The following GALNTL6 variants were observed in gnomAD, a reference collection of about 807,000 sequenced individuals.
The protein encoded by GALNTL6 is polypeptide N-acetylgalactosaminyltransferase-like 6.
GALNTL6 carries 46 observed loss-of-function variants against 73.7 expected under a neutral mutation model. The ratio of observed to expected loss-of-function variants is 0.62; its 90% confidence interval spans 0.49 to 0.80. The LOEUF (loss-of-function observed/expected upper bound fraction) is 0.80. Ranked by LOEUF, GALNTL6 falls within the 30% of genes least tolerant of loss-of-function variation. GALNTL6 has a pLI of 0.00. For missense variants in GALNTL6, 604 were observed against 755.0 expected, an observed-to-expected ratio of 0.80 and a Z score of 2.34; for synonymous variants, 259 against 263.7, an observed-to-expected ratio of 0.98 and a Z score of 0.17.
At chr4:172,951,938 G>A (rs1749461915) in intron 9 of GALNTL6, 99 bp from the exon 10 acceptor site, 2 of 953,574 alleles carry the variant, frequency 2.1e-6, no homozygotes, top group Non-Finnish European at 3.2e-6. Context: ...TGAGGTTGCC[G>A]CTATCTTTTC....
chr4:172,569,981 C>T (rs770414130), intron 5 of GALNTL6, among the ~76,000 whole-genome samples: 1 of 152,106 alleles, frequency 6.6e-6, no homozygotes, highest in Non-Finnish European at 1.5e-5. Flanking sequence ...GAAGGAGGGG[C>T]TGGTGGTATT....
intron 2 of GALNTL6, among the ~76,000 whole-genome samples, chr4:172,190,423 T>C (rs1229473476): frequency 1.3e-5 from 2 of 151,550 alleles, no homozygotes; most frequent in Admixed American, 1.3e-4. Context: ...CAAGGGAGAG[T>C]GTGTATGTTT....
At chr4:172,910,674 A>T (rs1747149775) in intron 8 of GALNTL6, among the ~76,000 whole-genome samples, 1 of 152,216 alleles carries the variant, frequency 6.6e-6, no homozygotes, top group Non-Finnish European at 1.5e-5. Flanking sequence ...AACAAATCCA[A>T]GGTATTGATT....
intron 5 of GALNTL6, among the ~76,000 whole-genome samples, chr4:172,618,489 T>C (rs1330508726): frequency 6.6e-6 from 1 of 152,118 alleles, no homozygotes; most frequent in Non-Finnish European, 1.5e-5. Context: ...CTTTCTTTGG[T>C]AATAAATTTA....
chr4:171,824,630 T>C (rs933605706), intron 2 of GALNTL6, among the ~76,000 whole-genome samples: 7 of 152,184 alleles, frequency 4.6e-5, no homozygotes, highest in Admixed American at 1.3e-4. Flanking sequence ...GTTAGAATTC[T>C]AGAAAGTTAA....
chr4:171,904,304 C>A (rs888287741), intron 2 of GALNTL6, among the ~76,000 whole-genome samples: 1 of 151,974 alleles, frequency 6.6e-6, no homozygotes, highest in Non-Finnish European at 1.5e-5. Flanking sequence ...CTTAAAGGAG[C>A]TGATGGAGCT....
At chr4:172,602,943 A>C (rs1738119816) in intron 5 of GALNTL6, among the ~76,000 whole-genome samples, 2 of 152,216 alleles carry the variant, frequency 1.3e-5, no homozygotes, top group South Asian at 4.1e-4. Context: ...AATACCAAAA[A>C]AAGATTATGC....
intron 2 of GALNTL6, among the ~76,000 whole-genome samples, chr4:171,992,892 C>T (rs1366048657): frequency 6.6e-6 from 1 of 152,058 alleles, no homozygotes. Context: ...CAATCTCATA[C>T]TATGCCTTCA....
intron 5 of GALNTL6, among the ~76,000 whole-genome samples, chr4:172,756,668 A>ACAGTTGG (rs1737772860): frequency 1.3e-5 from 2 of 152,102 alleles, no homozygotes; most frequent in African/African-American, 2.4e-5. Context: ...AGATGTGTCT[A>ACAGTTGG]CAGTTGGCAG....
At chr4:172,413,393 A>T (rs577961555) in intron 5 of GALNTL6, among the ~76,000 whole-genome samples, 1 of 152,352 alleles carries the variant, frequency 6.6e-6, no homozygotes, top group Non-Finnish European at 1.5e-5. Context: ...ATTCTAACGT[A>T]ACATAAAAAT....
chr4:171,968,760 T>A (rs1054351726), intron 2 of GALNTL6, among the ~76,000 whole-genome samples: 2 of 150,730 alleles, frequency 1.3e-5, no homozygotes, highest in African/African-American at 4.9e-5. Context: ...CCTCTCTCAG[T>A]CAGTGAACTC....
intron 2 of GALNTL6, among the ~76,000 whole-genome samples, chr4:172,173,596 G>T (rs1187303574): frequency 1.3e-5 from 2 of 152,340 alleles, no homozygotes; most frequent in East Asian, 3.9e-4. Context: ...TTAATAGGAA[G>T]TGTAACATAC....
chr4:172,724,791 G>T (rs149009744), intron 5 of GALNTL6, among the ~76,000 whole-genome samples: 1 of 152,106 alleles, frequency 6.6e-6, no homozygotes, highest in Admixed American at 6.6e-5. Context: ...TCAGAAACCT[G>T]AGAAAGAGAA....
intron 2 of GALNTL6, among the ~76,000 whole-genome samples, chr4:172,127,955 A>C (rs1187726963): frequency 6.6e-6 from 1 of 151,734 alleles, no homozygotes; most frequent in Non-Finnish European, 1.5e-5. Flanking sequence ...AAATACAAAA[A>C]CTAGCTGGTC....
chr4:172,176,662 G>T (rs1426821999), intron 2 of GALNTL6, among the ~76,000 whole-genome samples: 2 of 152,062 alleles, frequency 1.3e-5, no homozygotes, highest in African/African-American at 2.4e-5. Context: ...GGTGGTGCAT[G>T]CCTGTAGTTC....
chr4:172,456,509 G>A (rs1732403608), intron 5 of GALNTL6, among the ~76,000 whole-genome samples: 1 of 151,530 alleles, frequency 6.6e-6, no homozygotes. Context: ...GAACATAAAT[G>A]ACCTGATGGA....
chr4:172,153,113 C>A (rs982713778), intron 2 of GALNTL6, among the ~76,000 whole-genome samples: 3 of 152,210 alleles, frequency 2.0e-5, no homozygotes, highest in Non-Finnish European at 2.9e-5. Flanking sequence ...TTGACACCAA[C>A]CCCTAAACAA....
intron 5 of GALNTL6, among the ~76,000 whole-genome samples, chr4:172,762,154 G>A (rs992690047): frequency 2.0e-4 from 31 of 152,318 alleles, no homozygotes; most frequent in African/African-American, 7.5e-4. Flanking sequence ...CAAAATTGGA[G>A]CACTCTTATT....
chr4:172,238,700 C>G (rs1232392101), intron 3 of GALNTL6, among the ~76,000 whole-genome samples: 2 of 152,066 alleles, frequency 1.3e-5, no homozygotes, highest in Non-Finnish European at 2.9e-5. Flanking sequence ...GTGATGCTTC[C>G]AGCTTTTGTC....
Sources: allele counts gnomAD v4.1 joint callset (sites outside exome capture counted in the v4.1 genomes callset), GRCh38; gene constraint gnomAD v4.1.1; transcripts MANE v1.5; gene names NCBI Gene and HGNC (gene_info 2026-07-23, HGNC 2026-07-21).